Variants in CLDN10 observed in about 807,000 individuals in gnomAD.
The protein encoded by CLDN10 is claudin-10.
A neutral mutation model predicts 22.9 loss-of-function variants in CLDN10; 15 were observed. That is an observed-to-expected ratio of 0.65 (90% CI 0.44 to 1.01). The LOEUF (loss-of-function observed/expected upper bound fraction) is 1.01. CLDN10 is among the 50% of genes least tolerant of loss of function. The pLI, the probability that CLDN10 is intolerant of heterozygous loss-of-function variation, is 0.00. For synonymous variants in CLDN10, 114 were observed against 111.4 expected (o/e 1.02, Z -0.15); for missense variants, 247 against 287.8 (o/e 0.86, Z 1.03).
chr13:95,504,728 T>C (rs28539489), intron 1 of CLDN10, among the ~76,000 whole-genome samples: 21,852 of 152,030 alleles, frequency 0.14, 1,928 homozygotes, highest in African/African-American at 0.24. Flanking sequence ...TATAGGGATA[T>C]GATCTCACTA....
intron 1 of CLDN10, among the ~76,000 whole-genome samples, chr13:95,556,601 G>C (rs914182077): frequency 2.0e-5 from 3 of 152,168 alleles, no homozygotes; most frequent in African/African-American, 4.8e-5. Flanking sequence ...TGCCATCCCT[G>C]TTTTACAGAT....
intron 1 of CLDN10, among the ~76,000 whole-genome samples, chr13:95,503,828 G>A (rs1333721254): frequency 6.6e-6 from 1 of 152,206 alleles, no homozygotes. Context: ...CTGCTAGGGA[G>A]AAGGGGGAGG....
chr13:95,462,860 T>A (rs2042547388), intron 1 of CLDN10, among the ~76,000 whole-genome samples: 1 of 152,178 alleles, frequency 6.6e-6, no homozygotes, highest in Non-Finnish European at 1.5e-5. Flanking sequence ...ATTCCACTAC[T>A]AACAGTCCAG....
At chr13:95,496,123 T>C (rs909185937) in intron 1 of CLDN10, among the ~76,000 whole-genome samples, 1 of 152,238 alleles carries the variant, frequency 6.6e-6, no homozygotes, top group African/African-American at 2.4e-5. Context: ...TCTCAGGCTG[T>C]GTCTGCATTC....
intron 1 of CLDN10, among the ~76,000 whole-genome samples, chr13:95,436,385 A>G (rs1398441011): frequency 5.3e-5 from 8 of 152,164 alleles, no homozygotes; most frequent in Middle Eastern, 3.4e-3. Flanking sequence ...AGATCTCACT[A>G]TGTTACCTAG....
Position 95,509,919 on chromosome 13 carries a change from G to GC in CLDN10, c.215-50213_215-50212insC, listed in dbSNP as rs572039825. On this transcript the variant is annotated intron_variant, in intron 1 of 4. Coordinates refer to the CLDN10 transcript ENST00000376873. ...AAATGCACAGCTTCCAGGTGTGCTG[G>GC]TAAACATTTAAAAGGTGGTGGGTAG... 1.8e-3 allele frequency among the ~76,000 whole-genome samples: 274 copies of GC among 152,278 alleles called. 2 individuals carry two copies. The highest frequency in any genetic ancestry group is 0.016 in the South Asian group (77 of 4,826).
chr13:95,455,660 T>G (rs2139083149), intron 1 of CLDN10, among the ~76,000 whole-genome samples: 1 of 152,382 alleles, frequency 6.6e-6, no homozygotes, highest in East Asian at 1.9e-4. Flanking sequence ...TCATTACATT[T>G]CTTCCTTTGT....
chr13:95,473,854 G>A (rs1223594166), intron 1 of CLDN10, among the ~76,000 whole-genome samples: 1 of 152,176 alleles, frequency 6.6e-6, no homozygotes, highest in Non-Finnish European at 1.5e-5. Context: ...AGCTTCGGAG[G>A]GAACAAACCC....
intron 1 of CLDN10, among the ~76,000 whole-genome samples, chr13:95,554,587 T>G (rs1044605254): frequency 2.0e-5 from 3 of 152,180 alleles, no homozygotes. Context: ...GTGACATTTT[T>G]ATGCCATCCA....
At chr13:95,435,746 C>G (rs1345652575) in intron 1 of CLDN10, among the ~76,000 whole-genome samples, 1 of 152,034 alleles carries the variant, frequency 6.6e-6, no homozygotes, top group African/African-American at 2.4e-5. Context: ...CCTTTTTCAC[C>G]TTAGGAATCA....
chr13:95,507,194 T>C (rs1386935507), intron 1 of CLDN10, among the ~76,000 whole-genome samples: 1 of 152,246 alleles, frequency 6.6e-6, no homozygotes, highest in Non-Finnish European at 1.5e-5. Flanking sequence ...ATTATCCTAA[T>C]TTCCTACCAT....
chr13:95,456,599 A>T (rs754323832), intron 1 of CLDN10, among the ~76,000 whole-genome samples: 61 of 150,224 alleles, frequency 4.1e-4, no homozygotes, highest in Middle Eastern at 3.4e-3. Flanking sequence ...ACAAAAAATT[A>T]AAAAAAAAAT....
intron 1 of CLDN10, among the ~76,000 whole-genome samples, chr13:95,509,561 G>A (rs1043032058): frequency 2.6e-5 from 4 of 152,164 alleles, no homozygotes; most frequent in Non-Finnish European, 5.9e-5. Flanking sequence ...GTGACTGGGT[G>A]ACATAGCAAA....
At position 95,513,368 on chromosome 13, in the gene CLDN10, T is replaced by C. The variant is rs538301504; in HGVS notation, c.215-46764T>C. Among the ~76,000 whole-genome samples the C allele has an allele frequency of 1.3e-4, 20 of 152,354 alleles. No homozygotes were observed. In the South Asian group the frequency reaches 4.1e-3, roughly 32 times the overall value. ...AGTTTACATAACAAGGGGCAGAATGTGTTCTATGCTAAAGATAAACTTATT... is the reference window on the plus strand; with the variant it reads ...AGTTTACATAACAAGGGGCAGAATGCGTTCTATGCTAAAGATAAACTTATT... On this transcript the variant is annotated intron_variant, in intron 1 of 4. Coordinates refer to the CLDN10 transcript ENST00000376873.
chr13:95,575,204 GA>G (rs1265443205), intron 3 of CLDN10, among the ~76,000 whole-genome samples: 1 of 151,950 alleles, frequency 6.6e-6, no homozygotes, highest in African/African-American at 2.4e-5. Context: ...CCTGTACTGG[GA>G]AAAAAACAGA....
chr13:95,446,429 C>T (rs1257098294), intron 1 of CLDN10, among the ~76,000 whole-genome samples: 2 of 152,240 alleles, frequency 1.3e-5, no homozygotes, highest in East Asian at 1.9e-4. Flanking sequence ...AATAAAAATA[C>T]CTCATCTCTG....
At chr13:95,456,418 C>A (rs990018862) in intron 1 of CLDN10, among the ~76,000 whole-genome samples, 1 of 152,092 alleles carries the variant, frequency 6.6e-6, no homozygotes, top group African/African-American at 2.4e-5. Flanking sequence ...AGAGGTGAAA[C>A]CCCTGTCCAA....
chr13:95,545,603 G>A (rs1344585236), intron 1 of CLDN10, among the ~76,000 whole-genome samples: 1 of 151,972 alleles, frequency 6.6e-6, no homozygotes, highest in Admixed American at 6.6e-5. Context: ...AATTGAATTA[G>A]GTAACTTTTT....
chr13:95,457,463 G>A (rs762800493), intron 1 of CLDN10, among the ~76,000 whole-genome samples: 4 of 152,038 alleles, frequency 2.6e-5, no homozygotes, highest in Admixed American at 6.6e-5. Context: ...GTGCAGTCTT[G>A]GGAACTGACA....
Sources: allele counts gnomAD v4.1 joint callset (sites outside exome capture counted in the v4.1 genomes callset), GRCh38; gene constraint gnomAD v4.1.1; transcripts MANE v1.5; gene names NCBI Gene and HGNC (gene_info 2026-07-23, HGNC 2026-07-21).